The following HYOU1 variants were observed in gnomAD, a reference collection of about 807,000 sequenced individuals.
HYOU1 encodes hypoxia up-regulated protein 1.
HYOU1 carries 40 observed loss-of-function variants against 120.5 expected under a neutral mutation model. The observed-to-expected ratio is 0.33, with a 90% confidence interval of 0.26 to 0.43. The LOEUF (loss-of-function observed/expected upper bound fraction) is 0.43, where lower values mean the gene tolerates loss of function less well. HYOU1 is among the 20% of genes least tolerant of loss of function. The probability of loss-of-function intolerance (pLI) is 1.00; values close to 1 mark genes in which losing one functional copy is unlikely to be tolerated. For synonymous variants in HYOU1, 501 were observed against 479.4 expected (o/e 1.05, Z -0.59); for missense variants, 1,085 against 1,278.3 (o/e 0.85, Z 2.31).
Position 119,055,986 on chromosome 11 carries a change from C to T in HYOU1, c.91+84G>A. The T allele has an allele frequency of 1.4e-6, 2 of 1,424,450 alleles. No homozygotes were observed. The highest frequency in any genetic ancestry group is 4.5e-5 in the East Asian group (2 of 43,996). The allele number at this position is 1,424,450 out of a possible 1,614,324, so 88.2% of individuals were successfully genotyped here. On this transcript the variant is annotated intron_variant, in intron 2 of 25. Coordinates refer to ENST00000617285, the MANE Select transcript of HYOU1 (RefSeq NM_006389.5). The surrounding 1 kb of genome is among the most constrained non-coding windows in gnomAD (Gnocchi z 4.0). ...CTGGACCTAACAACTCAAGAGACTT[C>T]TGGCCAACAGCCCCAAGCTCAATTC...
chr11:119,047,766 T>C lies in HYOU1; in HGVS notation c.2563A>G (p.Thr855Ala), dbSNP rs2133558122. 2.5e-6 allele frequency: 4 copies of C among 1,614,188 alleles called. No individual in the cohort carries two copies. Among genetic ancestry groups the C allele is most frequent in the Non-Finnish European group, 1.7e-6 (2 of 1,180,018 alleles). The change falls in exon 22 of 26, where the codon ACA (threonine) becomes GCA (alanine). Residue 855 changes from threonine to alanine, a missense_variant. This residue lies in a region of HYOU1 where 516 missense variants were observed against 517.1 expected (regional missense o/e 1.00). Transcript: ENST00000617285. ...MDQIFTEVEM[T>A]TLEKVINETW... is the part of the protein sequence containing the mutation. Reference sequence around the variant, plus strand: ...TCATTGATGACTTTCTCTAACGTTGTCATCTCCACCTCAGTGAAGATCTGG... The same window carrying C: ...TCATTGATGACTTTCTCTAACGTTGCCATCTCCACCTCAGTGAAGATCTGG...
intron 1 of HYOU1, 46 bp from the exon 2 acceptor site, chr11:119,056,213 G>A (rs1944749980): frequency 1.5e-6 from 2 of 1,325,934 alleles, no homozygotes; most frequent in Non-Finnish European, 2.2e-6. Context: ...GATACCCGGA[G>A]TGAAGGAGAC....
chr11:119,050,953 A>G (rs1456309030), intron 14 of HYOU1, 82 bp downstream of exon 14: 8 of 1,529,010 alleles, frequency 5.2e-6, no homozygotes, highest in African/African-American at 1.4e-5. Flanking sequence ...ATCTTATCCT[A>G]ATGCCATGTG....
At position 119,051,539 on chromosome 11, in the gene HYOU1, G is replaced by A. The variant is rs1234663249; in HGVS notation, c.1425C>T (p.Pro475=). 4 of 1,614,166 alleles carry A rather than the reference G, an allele frequency of 2.5e-6. No individual in the cohort carries two copies. The highest frequency in any genetic ancestry group is 8.5e-7 in the Non-Finnish European group (1 of 1,180,022). Reference sequence around the variant, plus strand: ...AGGTGATGACTTTGCGTTGAGGGTAGGGCCCCATCCGAGAGAAGAGTACCC... The same window carrying A: ...AGGTGATGACTTTGCGTTGAGGGTAAGGCCCCATCCGAGAGAAGAGTACCC... ...NKRVLFSRMG[P]YPQRKVITFN... Residue 475 remains proline (P), a synonymous_variant, in exon 13 of 26, where the codon CCC becomes CCT. Coordinates refer to ENST00000617285, the MANE Select transcript of HYOU1 (RefSeq NM_006389.5). This position sits in a 1 kb window ranked among gnomAD's most constrained non-coding sequence, Gnocchi z 4.2.
At chr11:119,049,274 G>T (rs2133571429) in intron 16 of HYOU1, 71 bp from the exon 17 acceptor site, 3 of 1,591,272 alleles carry the variant, frequency 1.9e-6, no homozygotes, top group South Asian at 1.1e-5. Context: ...GCTCGGCACC[G>T]CCGACCCCAT....
chr11:119,046,348 G>T, intron 24 of HYOU1, 69 bp downstream of exon 24: 1 of 1,418,204 alleles, frequency 7.1e-7, no homozygotes, highest in Non-Finnish European at 1.0e-6. Flanking sequence ...AACAGGCTGT[G>T]CCTGCCAGTT....
At position 119,052,610 on chromosome 11, in the gene HYOU1, T is replaced by G; in HGVS notation, c.987+27A>C. ...CCCACCCTCTACGTGGGACAAAATA[T>G]AGCCTCAACCAGCCACTTGTGGGCA... On this transcript the variant is annotated intron_variant, in intron 9 of 25. Transcript: ENST00000617285. The surrounding 1 kb of genome is among the most constrained non-coding windows in gnomAD (Gnocchi z 5.0). 1.3e-6 allele frequency: 2 copies of G among 1,597,458 alleles called. No homozygotes were observed. Among genetic ancestry groups the G allele is most frequent in the Non-Finnish European group, 1.7e-6 (2 of 1,170,188 alleles).
rs1347278495 is a variant in HYOU1, at chr11:119,046,586, C to T, written c.2812G>A (p.Gly938Arg). Residue 938 changes from glycine to arginine, a missense_variant, in exon 23 of 26, where the codon GGG (glycine) becomes AGG (arginine). Transcript: ENST00000617285. ...CCTGCTGGAGGGATGACCTTCTCCC[C>T]CTGGTCACTGGCACTGGCATTGAGG... ...PPLNASASDQ[G>R]EKVIPPAGQT... is the part of the protein sequence containing the mutation. 1 of 1,613,756 alleles carries T rather than the reference C, an allele frequency of 6.2e-7. No individual in the cohort carries two copies.
Position 119,054,185 on chromosome 11 carries a change from TCACAATGGTG to T in HYOU1, c.720_729del (p.Cys240Ter). 6.2e-7 allele frequency: 1 copy of T among 1,614,110 alleles called. No individual in the cohort carries two copies. The highest frequency in any genetic ancestry group is 8.5e-7 in the Non-Finnish European group (1 of 1,179,952). ...TCCTTAGTCTTCACCATCTGGTAGG[TCACAATGGTG>T]CATACGGTGCTGCCTGAGCCCATGT... On this transcript the variant is annotated frameshift_variant, in exon 8 of 26. Coordinates refer to ENST00000617285, the MANE Select transcript of HYOU1 (RefSeq NM_006389.5). LOFTEE classifies it high-confidence loss of function.
chr11:119,045,718 C>A (rs1407295956), intron 25 of HYOU1, 63 bp downstream of exon 25: 16 of 1,613,332 alleles, frequency 9.9e-6, no homozygotes, highest in Non-Finnish European at 1.4e-5. Flanking sequence ...AACCCCAGTT[C>A]TTTGCAAAGG....
At position 119,048,819 on chromosome 11, in the gene HYOU1, T is replaced by C. The variant is rs2133567507; in HGVS notation, c.2060A>G (p.Gln687Arg). Residue 687 changes from glutamine to arginine, a missense_variant, in exon 18 of 26, where the codon CAG (glutamine) becomes CGG (arginine). Gln to Arg is a conservative substitution (Grantham distance 43). Transcript: ENST00000617285. This position sits in a 1 kb window ranked among gnomAD's most constrained non-coding sequence, Gnocchi z 4.7. ...VAPAPEGEKK[Q>R]KPARKRRMVE... ...CATTCGCCGCTTCCTGGCGGGCTTC[T>C]GCTTCTTCTCTCCCTCTGGGGCTGG... The C allele has an allele frequency of 5.6e-6, 9 of 1,614,132 alleles. No individual in the cohort carries two copies. The South Asian group carries it at 9.9e-5, about 18-fold the overall frequency.
Position 119,052,572 on chromosome 11 carries a change from A to G in HYOU1, c.987+65T>C. 1 of 1,571,892 alleles carries G rather than the reference A, an allele frequency of 6.4e-7. No homozygotes were observed. Among genetic ancestry groups the G allele is most frequent in the South Asian group, 1.2e-5 (1 of 84,782 alleles). ...ATGCCAGGCACGAGCAGCCCAGTTC[A>G]GTGGCAGGGTCCCCCACCCTCTACG... On this transcript the variant is annotated intron_variant, in intron 9 of 25. Transcript: ENST00000617285. The surrounding 1 kb of genome is among the most constrained non-coding windows in gnomAD (Gnocchi z 5.0).
Position 119,056,060 on chromosome 11 carries a change from G to A in HYOU1, c.91+10C>T. ...ATTTATCCATTTGCTCCCTCTACTG[G>A]GGTACATACCACTCAGTGCCAACAG... On this transcript the variant is annotated intron_variant, in intron 2 of 25. Transcript: ENST00000617285. 6.2e-7 allele frequency: 1 copy of A among 1,609,652 alleles called. No individual in the cohort carries two copies. Among genetic ancestry groups the A allele is most frequent in the Non-Finnish European group, 8.5e-7 (1 of 1,176,046 alleles).
Position 119,051,295 on chromosome 11 carries a change from G to C in HYOU1, c.1527-122C>G. 1 of 1,498,414 alleles carries C rather than the reference G, an allele frequency of 6.7e-7. No individual in the cohort carries two copies. The highest frequency in any genetic ancestry group is 9.1e-7 in the Non-Finnish European group (1 of 1,093,586). 92.8% of individuals were successfully genotyped at this position (1,498,414 alleles called of 1,614,324 possible). On this transcript the variant is annotated intron_variant, in intron 13 of 25. Transcript: ENST00000617285. The surrounding 1 kb of genome is among the most constrained non-coding windows in gnomAD (Gnocchi z 4.2). ...CCCCAAGGGCACACTCAAGAGGACG[G>C]ATGCATTCTCCAGCGAAGCTGATCA...
intron 1 of HYOU1, 40 bp from the exon 2 acceptor site, chr11:119,056,207 C>T (rs782285829): frequency 2.5e-5 from 35 of 1,398,938 alleles, no homozygotes; most frequent in Middle Eastern, 1.8e-4. Context: ...AAACTGGATA[C>T]CCGGAGTGAA....
chr11:119,048,122 A>G lies in HYOU1; in HGVS notation c.2377-42T>C, dbSNP rs946235655. 4 of 1,612,980 alleles carry G rather than the reference A, an allele frequency of 2.5e-6. No homozygotes were observed. Among genetic ancestry groups the G allele is most frequent in the African/African-American group, 1.3e-5 (1 of 74,912 alleles). On this transcript the variant is annotated intron_variant, in intron 20 of 25. Transcript: ENST00000617285. This position sits in a 1 kb window ranked among gnomAD's most constrained non-coding sequence, Gnocchi z 4.7. ...TGGGCAGAGGGGTGGAAGGGACGAC[A>G]GCAGAGCCTGGAGTCAGCCCCATGT...
intron 1 of HYOU1, chr11:119,056,454 G>A (rs1482922570): frequency 5.9e-6 from 3 of 507,386 alleles, no homozygotes; most frequent in African/African-American, 3.9e-5. Flanking sequence ...CGAGCCTTTT[G>A]TCCACCACAC....
intron 15 of HYOU1, 53 bp downstream of exon 15, chr11:119,049,724 C>A (rs1420237376): frequency 4.4e-6 from 7 of 1,608,104 alleles, no homozygotes; most frequent in Non-Finnish European, 6.0e-6. Context: ...TCCACCTCCC[C>A]AACCTTCACA....
rs1042638270 is a variant in HYOU1 at position 119,049,746 on chromosome 11, T to C, written c.1726+31A>G. 3.1e-6 allele frequency: 5 copies of C among 1,611,224 alleles called. No individual in the cohort carries two copies. The African/African-American group carries it at 6.7e-5, about 22-fold the overall frequency. Reference sequence around the variant, plus strand: ...CCCCAACCTTCACACAAGTATATTCTCTCCCATACACACATGCATGCTCAT... The same window carrying C: ...CCCCAACCTTCACACAAGTATATTCCCTCCCATACACACATGCATGCTCAT... On this transcript the variant is annotated intron_variant, in intron 15 of 25. Coordinates refer to ENST00000617285, the MANE Select transcript of HYOU1 (RefSeq NM_006389.5).
Sources: gnomAD v4.1 joint callset for allele counts on GRCh38, gnomAD v4.1.1 for gene constraint, gnomAD v4.1.1 regional missense constraint, Gnocchi (gnomAD v3.1) non-coding constraint, MANE v1.5 for transcripts, NCBI Gene and HGNC (gene_info 2026-07-23, HGNC 2026-07-21) for gene names.